The following PDE4D variants were observed in gnomAD, a reference collection of about 807,000 sequenced individuals.
PDE4D encodes 3',5'-cyclic-AMP phosphodiesterase 4D.
Under a neutral mutation model 87.4 loss-of-function variants are expected in PDE4D, and 24 were observed. The observed-to-expected ratio is 0.27, with a 90% confidence interval of 0.20 to 0.39. The LOEUF is 0.39. Among genes scored for constraint, PDE4D ranks in the 10% least tolerant of loss-of-function variants. The pLI, the probability that PDE4D is intolerant of heterozygous loss-of-function variation, is 1.00. For synonymous variants in PDE4D, 384 were observed against 383.2 expected, an observed-to-expected ratio of 1.00 and a Z score of -0.02; for missense variants, 714 against 1,041.0, an observed-to-expected ratio of 0.69 and a Z score of 4.32.
intron 1 of PDE4D, among the ~76,000 whole-genome samples, chr5:59,408,059 A>G (rs560729811): frequency 6.6e-6 from 1 of 152,224 alleles, no homozygotes; most frequent in Non-Finnish European, 1.5e-5. Context: ...ACTAAAAGAG[A>G]ACAAGTGCTA....
At chr5:59,927,878 C>T (rs545618271) in intron 3 of PDE4D, among the ~76,000 whole-genome samples, 203 of 152,330 alleles carry the variant, frequency 1.3e-3, no homozygotes, top group Non-Finnish European at 2.2e-3. Context: ...TTACAGTTCA[C>T]ATGTGGCATT....
At chr5:59,285,004 T>C (rs111524079) in intron 1 of PDE4D, among the ~76,000 whole-genome samples, 17,735 of 87,862 alleles carry the variant, frequency 0.2, 2,044 homozygotes, top group Admixed American at 0.32. Flanking sequence ...TAGGTGGGAA[T>C]TGAACAATGA....
chr5:60,087,588 C>G (rs1386584936), intron 2 of PDE4D, among the ~76,000 whole-genome samples: 4 of 151,306 alleles, frequency 2.6e-5, no homozygotes, highest in African/African-American at 7.3e-5. Context: ...TAGAAGCAAG[C>G]AATATAATAA....
chr5:59,789,080 C>T (rs994938372), intron 1 of PDE4D, among the ~76,000 whole-genome samples: 15 of 152,078 alleles, frequency 9.9e-5, no homozygotes, highest in Non-Finnish European at 1.3e-4. Flanking sequence ...GACAGCCACG[C>T]GTTTTATAGG....
At chr5:60,418,492 TTTG>T (rs904444545) in intron 1 of PDE4D, among the ~76,000 whole-genome samples, 4 of 150,098 alleles carry the variant, frequency 2.7e-5, no homozygotes, top group Admixed American at 6.6e-5. Context: ...GCTTATCTTA[TTTG>T]TTTTTTTGTT....
chr5:59,243,043 T>A (rs1191321217), intron 1 of PDE4D, among the ~76,000 whole-genome samples: 1 of 152,168 alleles, frequency 6.6e-6, no homozygotes, highest in African/African-American at 2.4e-5. Context: ...TACATCACAG[T>A]TGGAGAACCA....
intron 3 of PDE4D, among the ~76,000 whole-genome samples, chr5:59,945,802 C>G (rs916627291): frequency 2.0e-5 from 3 of 152,164 alleles, no homozygotes; most frequent in African/African-American, 7.2e-5. Flanking sequence ...AGTCTCTGGA[C>G]AGACTGATTA....
chr5:60,234,652 C>T lies in PDE4D; in HGVS notation c.-89-48965G>A, dbSNP rs558022255. 4.8e-4 allele frequency among the ~76,000 whole-genome samples: 73 copies of T among 151,842 alleles called. No homozygotes were observed. In the South Asian group the frequency reaches 0.014, roughly 29 times the overall value. The stretch of plus-strand genomic sequence containing the variant: ...TTATTTAAATTTTTGTTAGAATGCA[C>T]GAGTAAAGCCATTTGGGCCTGGGAC... On this transcript the variant is annotated intron_variant, in intron 1 of 16. Coordinates refer to the PDE4D transcript ENST00000502484.
At chr5:60,017,072 G>T (rs192887203) in intron 2 of PDE4D, among the ~76,000 whole-genome samples, 1 of 152,320 alleles carries the variant, frequency 6.6e-6, no homozygotes, top group East Asian at 1.9e-4. Context: ...AGGCATGAGA[G>T]AAACATTCAT....
chr5:60,102,476 G>A (rs1562094448), intron 2 of PDE4D, among the ~76,000 whole-genome samples: 1 of 152,062 alleles, frequency 6.6e-6, no homozygotes, highest in Non-Finnish European at 1.5e-5. Flanking sequence ...GGAAAGCAAG[G>A]CTGCATAATA....
At chr5:59,694,895 T>C (rs1214716555) in intron 1 of PDE4D, among the ~76,000 whole-genome samples, 1 of 152,200 alleles carries the variant, frequency 6.6e-6, no homozygotes, top group African/African-American at 2.4e-5. Context: ...TTACTATTAA[T>C]AACTTTTGCT....
intron 1 of PDE4D, among the ~76,000 whole-genome samples, chr5:59,668,842 AGAG>A (rs1447562409): frequency 1.3e-3 from 106 of 81,900 alleles, no homozygotes; most frequent in Middle Eastern, 4.9e-3. Flanking sequence ...AGGAAGAGGA[AGAG>A]GAAGAAGAAG....
chr5:60,185,637 C>T (rs1295678287), exon 2 of PDE4D: 2 of 1,386,602 alleles, frequency 1.4e-6, no homozygotes, highest in Admixed American at 4.0e-5. Flanking sequence ...ACTAGTGTTT[C>T]CAGTGTCAAT....
rs959048304 is a variant in PDE4D, at chr5:60,416,730, A to G, written c.-90+71212T>C. Among the ~76,000 whole-genome samples the G allele has an allele frequency of 4.6e-5, 7 of 152,304 alleles. No homozygotes were observed. The South Asian group carries it at 8.3e-4, about 18-fold the overall frequency. ...CCAAGAGCCCACCAATTCTGGACAC[A>G]CTATCATACACTCTTCCTTCAGAGA... On this transcript the variant is annotated intron_variant, in intron 1 of 16. Coordinates refer to the PDE4D transcript ENST00000502484.
chr5:60,492,870 A>C (rs1478566211), upstream of PDE4D, among the ~76,000 whole-genome samples: 2 of 151,804 alleles, frequency 1.3e-5, no homozygotes, highest in African/African-American at 4.8e-5. Context: ...GTGCACATGT[A>C]CCCTAGTACT....
At chr5:59,230,868 G>A (rs949448919) in intron 1 of PDE4D, among the ~76,000 whole-genome samples, 13 of 152,092 alleles carry the variant, frequency 8.5e-5, no homozygotes, top group African/African-American at 3.1e-4. Context: ...AGGGTTGTGT[G>A]GCCTGAATTA....
chr5:59,750,998 T>C (rs1252757705), intron 1 of PDE4D, among the ~76,000 whole-genome samples: 1 of 150,610 alleles, frequency 6.6e-6, no homozygotes, highest in Non-Finnish European at 1.5e-5. Flanking sequence ...AGACTGTCTA[T>C]TTCATTCAGT....
At chr5:60,378,937 T>G (rs1415583145) in intron 1 of PDE4D, among the ~76,000 whole-genome samples, 1 of 152,156 alleles carries the variant, frequency 6.6e-6, no homozygotes, top group African/African-American at 2.4e-5. Context: ...GCTGACAACA[T>G]GCACAGTGGT....
intron 1 of PDE4D, among the ~76,000 whole-genome samples, chr5:59,543,328 A>G (rs554081065): frequency 6.6e-6 from 1 of 152,268 alleles, no homozygotes; most frequent in South Asian, 2.1e-4. Context: ...AAAATGTCCA[A>G]GTGGATCCAT....
Sources: gnomAD v4.1 joint callset for allele counts (sites outside exome capture counted in the v4.1 genomes callset) on GRCh38, gnomAD v4.1.1 for gene constraint, MANE v1.5 for transcripts, NCBI Gene and HGNC (gene_info 2026-07-23, HGNC 2026-07-21) for gene names.